Variants in LEPR observed in about 807,000 individuals in gnomAD.
LEPR encodes leptin receptor.
In LEPR, 56 loss-of-function variants were observed where a neutral mutation model predicts 114.7. That is an observed-to-expected ratio of 0.49 (90% CI 0.39 to 0.61). The LOEUF (loss-of-function observed/expected upper bound fraction) is 0.61. Among genes scored for constraint, LEPR ranks in the 20% least tolerant of loss-of-function variants. LEPR has a pLI of 0.00. For synonymous variants in LEPR, 443 were observed against 461.4 expected (o/e 0.96, Z 0.51); for missense variants, 1,202 against 1,352.9 (o/e 0.89, Z 1.75).
chr1:65,481,718 T>C (rs964957707), intron 2 of LEPR, among the ~76,000 whole-genome samples: 18 of 151,844 alleles, frequency 1.2e-4, no homozygotes, highest in Non-Finnish European at 2.5e-4. Context: ...TAATACATCA[T>C]TATCAAGTTC....
intron 19 of LEPR, chr1:65,635,101 T>A: frequency 1.1e-6 from 1 of 906,360 alleles, no homozygotes; most frequent in Non-Finnish European, 1.3e-6. Context: ...AATTGTATTG[T>A]ATATGGAATA....
At chr1:65,615,911 C>A (rs942105804) in intron 14 of LEPR, 97 bp from the exon 15 acceptor site, 3 of 1,519,574 alleles carry the variant, frequency 2.0e-6, no homozygotes, top group Non-Finnish European at 2.7e-6. Context: ...CTGGCCCCTG[C>A]CTCCTAATAA....
chr1:65,488,206 TTCTTTCTCTC>T (rs1294926135), intron 2 of LEPR, among the ~76,000 whole-genome samples: 24 of 31,776 alleles, frequency 7.6e-4, no homozygotes, highest in Admixed American at 1.7e-3. Flanking sequence ...CTTTCTTTCT[TTCTTTCTCTC>T]TCTCTCTCTC....
intron 5 of LEPR, chr1:65,578,362 G>T: frequency 4.6e-6 from 1 of 218,958 alleles, no homozygotes; most frequent in South Asian, 8.0e-5. Flanking sequence ...CAGAAATATT[G>T]AACTGTGACA....
At chr1:65,578,703 A>C (rs1296598012) in intron 5 of LEPR, among the ~76,000 whole-genome samples, 2 of 152,210 alleles carry the variant, frequency 1.3e-5, no homozygotes, top group Admixed American at 1.3e-4. Context: ...GCTAAATATA[A>C]AATTGTAAAT....
Position 65,637,091 on chromosome 1 carries a change from G to A in LEPR, c.*76G>A. 1 of 1,453,530 alleles carries A rather than the reference G, an allele frequency of 6.9e-7. No homozygotes were observed. Among genetic ancestry groups the A allele is most frequent in the Non-Finnish European group, 9.4e-7 (1 of 1,062,250 alleles). The allele number at this position is 1,453,530 out of a possible 1,614,324, so 90.0% of individuals were successfully genotyped here. A position where few individuals can be genotyped will look rare whatever the true frequency, so the allele number is the denominator to read the frequency against. The stretch of plus-strand genomic sequence containing the variant: ...TAATAGATTATAGTTGTGGGTGGGA[G>A]AGAGAAAAGAAACCAGAGTCAAATT... On this transcript the variant is annotated 3_prime_UTR_variant, in exon 20 of 20. Transcript: ENST00000349533.
chr1:65,429,487 G>T (rs1646444903), intron 2 of LEPR, among the ~76,000 whole-genome samples: 1 of 152,178 alleles, frequency 6.6e-6, no homozygotes, highest in South Asian at 2.1e-4. Context: ...AAGCATGCGT[G>T]CACTCAAAAG....
At chr1:65,626,315 G>T (rs1658212145) in intron 19 of LEPR, 4 of 1,312,128 alleles carry the variant, frequency 3.0e-6, no homozygotes, top group Non-Finnish European at 2.9e-6. Context: ...GTAAATTAAA[G>T]AAATGTGAAG....
intron 11 of LEPR, among the ~76,000 whole-genome samples, chr1:65,605,713 CA>C (rs919240621): frequency 3.3e-5 from 5 of 152,030 alleles, no homozygotes; most frequent in African/African-American, 1.2e-4. Flanking sequence ...AGGAAATAGA[CA>C]ACAATGACAT....
At chr1:65,482,379 C>T (rs537188832) in intron 2 of LEPR, among the ~76,000 whole-genome samples, 4 of 152,098 alleles carry the variant, frequency 2.6e-5, no homozygotes, top group Non-Finnish European at 4.4e-5. Flanking sequence ...AGCTTGAAAG[C>T]TGGTTCTAAA....
chr1:65,543,406 C>T (rs1251994136), intron 2 of LEPR, among the ~76,000 whole-genome samples: 6 of 151,848 alleles, frequency 4.0e-5, no homozygotes, highest in East Asian at 3.9e-4. Context: ...TCTCCTATTC[C>T]GTAGGTTGCC....
chr1:65,633,205 G>T lies in LEPR; in HGVS notation c.2674-2986G>T. On this transcript the variant is annotated intron_variant, in intron 19 of 19. Transcript: ENST00000349533. The surrounding 1 kb of genome is among the most constrained non-coding windows in gnomAD (Gnocchi z 4.1). The stretch of plus-strand genomic sequence containing the variant: ...TGATCACTACAGATGAACCCAATGT[G>T]CCAACTTCCCAACAGTCTATAGAGT... The T allele has an allele frequency of 6.2e-7, 1 of 1,609,216 alleles. No homozygotes were observed. The highest frequency in any genetic ancestry group is 8.5e-7 in the Non-Finnish European group (1 of 1,177,696).
intron 18 of LEPR, 87 bp from the exon 19 acceptor site, chr1:65,622,819 A>T: frequency 7.1e-7 from 1 of 1,402,200 alleles, no homozygotes; most frequent in Non-Finnish European, 1.0e-6. Context: ...CTGGTGGACT[A>T]ATTTCTAGCT....
At chr1:65,456,372 G>T (rs1159411387) in intron 2 of LEPR, among the ~76,000 whole-genome samples, 1 of 152,008 alleles carries the variant, frequency 6.6e-6, no homozygotes, top group East Asian at 1.9e-4. Flanking sequence ...GTCCTTACTG[G>T]TTTTATGCCT....
At chr1:65,540,094 T>A (rs981803746) in intron 2 of LEPR, among the ~76,000 whole-genome samples, 9 of 152,198 alleles carry the variant, frequency 5.9e-5, no homozygotes, top group African/African-American at 1.9e-4. Context: ...GTGCAATGTT[T>A]GTGAGGAGGT....
chr1:65,514,787 C>T (rs891074785), intron 2 of LEPR, among the ~76,000 whole-genome samples: 1 of 152,124 alleles, frequency 6.6e-6, no homozygotes, highest in Non-Finnish European at 1.5e-5. Context: ...AAATGGGAAA[C>T]AGTAAAATTT....
chr1:65,493,180 C>A (rs961379265), intron 2 of LEPR, among the ~76,000 whole-genome samples: 1 of 151,988 alleles, frequency 6.6e-6, no homozygotes, highest in Non-Finnish European at 1.5e-5. Context: ...GGCCATTGCT[C>A]CTTGTTTTTT....
rs572240961 is a variant in LEPR, at chr1:65,546,691, G to A, written c.-20-18855G>A. Among the ~76,000 whole-genome samples, 6 of 152,292 alleles carry A rather than the reference G, an allele frequency of 3.9e-5. No individual in the cohort carries two copies. The South Asian group carries it at 6.2e-4, about 16-fold the overall frequency. On this transcript the variant is annotated intron_variant, in intron 2 of 19. Coordinates refer to ENST00000349533, the MANE Select transcript of LEPR (RefSeq NM_002303.6). ...GAGACTTTGCCGAAGTTGCTTATCA[G>A]CTTAAGGAGATTTTGGGCTGAGACA...
intron 2 of LEPR, among the ~76,000 whole-genome samples, chr1:65,518,873 T>TTCTTTTTCTTTCTTTCTTTCTTTC (rs763024512): frequency 8.5e-6 from 1 of 117,216 alleles, no homozygotes; most frequent in Non-Finnish European, 1.8e-5. Context: ...CTTTCTTTCT[T>TTCTTTTTCTTTCTTTCTTTCTTTC]TTTCTTTCTT....
Sources: gnomAD v4.1 joint callset for allele counts (sites outside exome capture counted in the v4.1 genomes callset) on GRCh38, gnomAD v4.1.1 for gene constraint, Gnocchi (gnomAD v3.1) non-coding constraint, MANE v1.5 for transcripts, NCBI Gene and HGNC (gene_info 2026-07-23, HGNC 2026-07-21) for gene names.